Variants in ADAMTS10 observed in about 807,000 individuals in gnomAD.
ADAMTS10 encodes A disintegrin and metalloproteinase with thrombospondin motifs 10.
Under a neutral mutation model 135.9 loss-of-function variants are expected in ADAMTS10, and 48 were observed. The ratio of observed to expected loss-of-function variants is 0.35; its 90% CI spans 0.28 to 0.45. ADAMTS10 has a LOEUF of 0.45. Ranked by LOEUF, ADAMTS10 falls within the 20% of genes least tolerant of loss-of-function variation. The pLI is 1.00. For missense variants in ADAMTS10, 1,131 were observed against 1,565.2 expected, an observed-to-expected ratio of 0.72 and a Z score of 4.68; for synonymous variants, 621 against 647.5, an observed-to-expected ratio of 0.96 and a Z score of 0.62.
intron 18 of ADAMTS10, 112 bp from the exon 19 acceptor site, chr19:8,587,008 A>C (rs1163222877): frequency 2.7e-6 from 3 of 1,097,948 alleles, no homozygotes; most frequent in African/African-American, 1.5e-5. Flanking sequence ...CTAAACACAC[A>C]TCTAACTGCA....
intron 2 of ADAMTS10, among the ~76,000 whole-genome samples, chr19:8,607,763 A>G (rs550616599): frequency 1.1e-4 from 16 of 147,834 alleles, no homozygotes; most frequent in African/African-American, 3.7e-4. Flanking sequence ...CCCCTGTTGC[A>G]CTCTTTAGCT....
chr19:8,596,453 G>C lies in ADAMTS10; in HGVS notation c.1085-41C>G. On this transcript the variant is annotated intron_variant, in intron 9 of 25. Transcript: ENST00000597188. This position sits in a 1 kb window ranked among gnomAD's most constrained non-coding sequence, Gnocchi z 7.2. ...TGTGGGGATGGGGCTGGGAGGCTCA[G>C]GACGGTGCTGGCTGGCCCCATCCAC... The C allele has an allele frequency of 6.2e-7, 1 of 1,613,344 alleles. No homozygotes were observed. Among genetic ancestry groups the C allele is most frequent in the East Asian group, 2.2e-5 (1 of 44,848 alleles).
At position 8,596,285 on chromosome 19, in the gene ADAMTS10, C is replaced by A. The variant is rs781946704; in HGVS notation, c.1190+22G>T. On this transcript the variant is annotated intron_variant, in intron 10 of 25. Coordinates refer to ENST00000597188, the MANE Select transcript of ADAMTS10 (RefSeq NM_030957.4). The surrounding 1 kb of genome is among the most constrained non-coding windows in gnomAD (Gnocchi z 7.2). ...CCGCCCAGCTCCTCCCCTCCTCCCC[C>A]TCTTGTGTGCCCTGGCCTCACGTGT... 8.7e-6 allele frequency: 14 copies of A among 1,612,798 alleles called. No homozygotes were observed. Among genetic ancestry groups the A allele is most frequent in the Non-Finnish European group, 1.2e-5 (14 of 1,180,014 alleles).
chr19:8,592,132 G>A (rs782123093), intron 13 of ADAMTS10, 29 bp from the exon 14 acceptor site: 4 of 1,613,194 alleles, frequency 2.5e-6, no homozygotes, highest in Non-Finnish European at 3.4e-6. Flanking sequence ...GAAGGAGTGA[G>A]TCCAGCCCGG....
intron 5 of ADAMTS10, among the ~76,000 whole-genome samples, chr19:8,603,271 G>T (rs957513703): frequency 5.9e-5 from 9 of 152,106 alleles, no homozygotes; most frequent in African/African-American, 1.9e-4. Context: ...CCCCTGGATA[G>T]AACTCCCTAT....
rs140344719 is a variant in ADAMTS10, at chr19:8,606,487, C to T, written c.-99-678G>A. Among the ~76,000 whole-genome samples the T allele has an allele frequency of 3.1e-3, 476 of 152,264 alleles. 3 individuals are homozygous for T. The highest frequency in any genetic ancestry group is 0.011 in the African/African-American group (461 of 41,552). Reference sequence around the variant, plus strand: ...CGCAATCGCGGCTCACTGCAACCCCCGCCTCCCGGGTTCATTTGATTCTCC... The same window carrying T: ...CGCAATCGCGGCTCACTGCAACCCCTGCCTCCCGGGTTCATTTGATTCTCC... On this transcript the variant is annotated intron_variant, in intron 2 of 25. Transcript: ENST00000597188.
In ADAMTS10 at chr19:8,603,751, A is replaced by G. The variant is rs782093988; in HGVS notation, c.569T>C (p.Leu190Pro). The change falls in exon 5 of 26, where the codon CTG becomes CCG. Residue 190 changes from leucine (L) to proline (P), a missense_variant. Physicochemically the swap from Leu to Pro is moderately conservative, Grantham distance 98. Coordinates refer to ENST00000597188, the MANE Select transcript of ADAMTS10 (RefSeq NM_030957.4). Reference protein sequence around the residue: ...YKRSSLRHPHLDTACGVRDEK... With the variant: ...YKRSSLRHPHPDTACGVRDEK... Reference sequence around the variant, plus strand: ...ACCTCTCACTCCACAGGCTGTGTCCAGGTGGGGGTGACGCAGAGAGGAACG... The same window carrying G: ...ACCTCTCACTCCACAGGCTGTGTCCGGGTGGGGGTGACGCAGAGAGGAACG... 5.0e-6 allele frequency: 8 copies of G among 1,614,148 alleles called. No individual in the cohort carries two copies. The highest frequency in any genetic ancestry group is 8.5e-7 in the Non-Finnish European group (1 of 1,180,024).
chr19:8,606,089 G>C (rs62119443), intron 2 of ADAMTS10, among the ~76,000 whole-genome samples: 1 of 152,150 alleles, frequency 6.6e-6, no homozygotes, highest in Non-Finnish European at 1.5e-5. Flanking sequence ...GAGACAGGGC[G>C]TTGCTCTGTC....
At chr19:8,591,468 G>A (rs2146062462) in intron 15 of ADAMTS10, among the ~76,000 whole-genome samples, 1 of 149,246 alleles carries the variant, frequency 6.7e-6, no homozygotes, top group South Asian at 2.1e-4. Flanking sequence ...TTGAGATGGA[G>A]TTTCGCTCTG....
At chr19:8,609,108 A>T (rs1328745529) in intron 1 of ADAMTS10, among the ~76,000 whole-genome samples, 1 of 151,182 alleles carries the variant, frequency 6.6e-6, no homozygotes, top group Non-Finnish European at 1.5e-5. Flanking sequence ...TCAGTGAGGG[A>T]TCTGCACTGT....
At chr19:8,600,548 G>A (rs1436383669) in intron 6 of ADAMTS10, among the ~76,000 whole-genome samples, 4 of 146,854 alleles carry the variant, frequency 2.7e-5, no homozygotes, top group African/African-American at 7.6e-5. Flanking sequence ...GCCCAGGCTG[G>A]AGTGCAGTGG....
At chr19:8,592,172 C>T in intron 13 of ADAMTS10, 69 bp from the exon 14 acceptor site, 1 of 1,610,666 alleles carries the variant, frequency 6.2e-7, no homozygotes. Context: ...TGCACCGTTC[C>T]CCACTCCAGG....
Position 8,583,681 on chromosome 19 carries a change from T to C in ADAMTS10, c.3202+1214A>G, listed in dbSNP as rs2042383793. Among the ~76,000 whole-genome samples, 3 of 151,634 alleles carry C rather than the reference T, an allele frequency of 2.0e-5. No individual in the cohort carries two copies. The South Asian group carries it at 6.2e-4, about 32-fold the overall frequency. On this transcript the variant is annotated intron_variant, in intron 25 of 25. Coordinates refer to ENST00000597188, the MANE Select transcript of ADAMTS10 (RefSeq NM_030957.4). ...GGGCTACATAGAAAAACCCCGTCTC[T>C]ATCAAAGAATACAAGAATACAAAAA...
chr19:8,595,698 T>TGCC, intron 12 of ADAMTS10, 64 bp downstream of exon 12: 14 of 1,291,946 alleles, frequency 1.1e-5, no homozygotes, highest in Non-Finnish European at 1.4e-5. Flanking sequence ...CTGGTGGAGT[T>TGCC]CCCTCCCCCA....
At chr19:8,599,689 C>T (rs782463440) in intron 6 of ADAMTS10, among the ~76,000 whole-genome samples, 4 of 151,462 alleles carry the variant, frequency 2.6e-5, no homozygotes, top group Admixed American at 6.6e-5. Flanking sequence ...TAACCCACTG[C>T]GTCTCAAACT....
In ADAMTS10 at chr19:8,586,673, G is replaced by A; in HGVS notation, c.2288C>T (p.Thr763Ile). Residue 763 changes from threonine (T) to isoleucine (I), a missense_variant, in exon 20 of 26, where the codon ACC becomes ATC. Thr to Ile is a moderately conservative substitution (Grantham distance 89). Coordinates refer to ENST00000597188, the MANE Select transcript of ADAMTS10 (RefSeq NM_030957.4). ...ESLLLEGLPG[T>I]PQPHRLPLAG... is the part of the protein sequence containing the mutation. ...TAGAGGCAGACGGTGGGGCTGGGGG[G>A]TCCCAGGCAGCCCCTCCAGCAGCAG... 1 of 1,613,202 alleles carries A rather than the reference G, an allele frequency of 6.2e-7. No homozygotes were observed. The highest frequency in any genetic ancestry group is 8.5e-7 in the Non-Finnish European group (1 of 1,179,316).
intron 15 of ADAMTS10, among the ~76,000 whole-genome samples, chr19:8,590,286 C>CT (rs575222544): frequency 1.1e-4 from 16 of 151,674 alleles, no homozygotes; most frequent in African/African-American, 3.1e-4. Flanking sequence ...CATTTTTTTT[C>CT]TTTTTTGAGA....
Position 8,581,013 on chromosome 19 carries a change from G to C in ADAMTS10, c.3203-11C>G, listed in dbSNP as rs1476670032. On this transcript the variant is annotated splice_polypyrimidine_tract_variant and intron_variant, in intron 25 of 25. Transcript: ENST00000597188. ...TCACATCCTTGCACTCTGCGGGGAC[G>C]GGAGAAGGAAGGAAAAATCAGGTCT... 2 of 1,604,606 alleles carry C rather than the reference G, an allele frequency of 1.2e-6. No homozygotes were observed. The highest frequency in any genetic ancestry group is 1.7e-6 in the Non-Finnish European group (2 of 1,173,328).
chr19:8,600,641 G>T (rs1555741283), intron 6 of ADAMTS10, among the ~76,000 whole-genome samples: 4 of 151,856 alleles, frequency 2.6e-5, no homozygotes, highest in Non-Finnish European at 4.4e-5. Flanking sequence ...TGGGACTACA[G>T]GCGCCCGCCA....
Sources: gnomAD v4.1 joint callset for allele counts (sites outside exome capture counted in the v4.1 genomes callset) on GRCh38, gnomAD v4.1.1 for gene constraint, Gnocchi (gnomAD v3.1) non-coding constraint, MANE v1.5 for transcripts, NCBI Gene and HGNC (gene_info 2026-07-23, HGNC 2026-07-21) for gene names.